Variants in KHDRBS2 observed in about 807,000 individuals in gnomAD.
KHDRBS2 encodes KH domain-containing, RNA-binding, signal transduction-associated protein 2.
KHDRBS2 carries 26 observed loss-of-function variants against 44.3 expected under a neutral mutation model. The observed-to-expected ratio is 0.59, with a 90% CI of 0.43 to 0.81. The LOEUF (loss-of-function observed/expected upper bound fraction) is 0.81, where lower values mean the gene tolerates loss of function less well. Among genes scored for constraint, KHDRBS2 ranks in the 40% least tolerant of loss-of-function variants. The pLI is 0.00. For missense variants in KHDRBS2, 476 were observed against 433.1 expected, an observed-to-expected ratio of 1.10 and a Z score of -0.88; for synonymous variants, 194 against 151.1, an observed-to-expected ratio of 1.28 and a Z score of -2.08.
chr6:62,271,124 T>C (rs1296043291), intron 1 of KHDRBS2, among the ~76,000 whole-genome samples: 5 of 152,148 alleles, frequency 3.3e-5, no homozygotes, highest in Non-Finnish European at 7.3e-5. Flanking sequence ...ATATATATAG[T>C]ATACATACAT....
rs1387589740 is a variant in KHDRBS2 at position 62,213,168 on chromosome 6, C to T, written c.92-35856G>A. ...GTTCATAATAGCTATCAATATAATG[C>T]TGGGGCATTGATAATGTGATTATAA... On this transcript the variant is annotated intron_variant, in intron 1 of 8. Coordinates refer to ENST00000281156, the MANE Select transcript of KHDRBS2 (RefSeq NM_152688.4). 2.0e-5 allele frequency among the ~76,000 whole-genome samples: 3 copies of T among 151,990 alleles called. No homozygotes were observed. In the East Asian group the frequency reaches 5.8e-4, roughly 29 times the overall value.
At position 61,945,109 on chromosome 6, in the gene KHDRBS2, AAAAGT is replaced by A. The variant is rs1231265559; in HGVS notation, c.483+32952_483+32956del. 1.9e-4 allele frequency among the ~76,000 whole-genome samples: 7 copies of A among 36,584 alleles called. 1 individual carries two copies. Among genetic ancestry groups the A allele is most frequent in the African/African-American group, 5.0e-4 (5 of 9,936 alleles). The allele number at this position is 36,584 out of a possible 152,430, so 24.0% of individuals were successfully genotyped here. A position where few individuals can be genotyped will look rare whatever the true frequency, so the allele number is the denominator to read the frequency against. On this transcript the variant is annotated intron_variant, in intron 4 of 8. Transcript: ENST00000281156. ...CTGTCTTAAAAAAAAAAAAAAAAAA[AAAAGT>A]ATATATATATATATATATATATATA...
At chr6:61,869,964 G>GGTTTTTTTTTT (rs1798386615) in intron 6 of KHDRBS2, among the ~76,000 whole-genome samples, 2 of 108,980 alleles carry the variant, frequency 1.8e-5, no homozygotes, top group African/African-American at 7.6e-5. Flanking sequence ...CTGCAGGAGT[G>GGTTTTTTTTTT]TTTTTTTTTT....
At chr6:62,017,017 T>A (rs914919095) in intron 3 of KHDRBS2, among the ~76,000 whole-genome samples, 5 of 152,140 alleles carry the variant, frequency 3.3e-5, no homozygotes, top group African/African-American at 1.2e-4. Flanking sequence ...ATCAATCTGT[T>A]TTTCTTTTTT....
the KHDRBS2 span, among the ~76,000 whole-genome samples, chr6:61,595,946 C>T: frequency 6.6e-6 from 1 of 151,954 alleles, no homozygotes; most frequent in Non-Finnish European, 1.5e-5. Flanking sequence ...TTTTTCTAGT[C>T]ATCTTGGGTT....
chr6:61,854,223 CTTTGT>C (rs1261744761), intron 6 of KHDRBS2, among the ~76,000 whole-genome samples: 4 of 151,932 alleles, frequency 2.6e-5, no homozygotes, highest in Non-Finnish European at 4.4e-5. Context: ...TTTTCTGTCT[CTTTGT>C]TTTAACATCT....
At chr6:62,086,955 A>T (rs1798504983) in intron 2 of KHDRBS2, among the ~76,000 whole-genome samples, 1 of 151,908 alleles carries the variant, frequency 6.6e-6, no homozygotes, top group Non-Finnish European at 1.5e-5. Context: ...AAAAAAAAAA[A>T]GGAAAAGATA....
intron 2 of KHDRBS2, among the ~76,000 whole-genome samples, chr6:62,150,595 T>C (rs1251450323): frequency 6.6e-6 from 1 of 152,200 alleles, no homozygotes; most frequent in East Asian, 1.9e-4. Flanking sequence ...CTAAATGGTG[T>C]TCCACTAAAG....
intron 6 of KHDRBS2, among the ~76,000 whole-genome samples, chr6:61,865,493 T>C (rs1470513295): frequency 1.3e-5 from 2 of 152,038 alleles, no homozygotes; most frequent in African/African-American, 4.8e-5. Context: ...ACTTATTCAC[T>C]GTCACAAAAA....
chr6:61,847,102 G>C (rs1794528484), intron 6 of KHDRBS2, among the ~76,000 whole-genome samples: 1 of 151,696 alleles, frequency 6.6e-6, no homozygotes, highest in South Asian at 2.1e-4. Flanking sequence ...TGAAGAAGTG[G>C]TTCTAACTTT....
chr6:61,938,845 G>A (rs1414577123), intron 4 of KHDRBS2, among the ~76,000 whole-genome samples: 1 of 152,026 alleles, frequency 6.6e-6, no homozygotes, highest in Non-Finnish European at 1.5e-5. Context: ...TGGTTCTATA[G>A]TTTCTGGCTG....
chr6:61,871,892 G>C (rs1479044284), intron 6 of KHDRBS2, among the ~76,000 whole-genome samples: 1 of 146,160 alleles, frequency 6.8e-6, no homozygotes. Context: ...GAACTGAATC[G>C]TGAGTACACA....
chr6:62,275,795 T>C lies in KHDRBS2; in HGVS notation c.91+10063A>G, dbSNP rs547410851. Among the ~76,000 whole-genome samples the C allele has an allele frequency of 9.8e-5, 15 of 152,322 alleles. No individual in the cohort carries two copies. In the South Asian group the frequency reaches 3.1e-3, roughly 32 times the overall value. ...TTCACACTTTTATTGGACATTTGCC[T>C]AACCTCTGATTTATTGCTTTTTAAA... On this transcript the variant is annotated intron_variant, in intron 1 of 8. Transcript: ENST00000281156.
intron 2 of KHDRBS2, among the ~76,000 whole-genome samples, chr6:62,106,236 G>GA (rs1000918209): frequency 2.6e-4 from 40 of 151,974 alleles, no homozygotes; most frequent in African/African-American, 8.0e-4. Flanking sequence ...GTGTGATGCT[G>GA]AAAAAAAATG....
At chr6:61,908,996 A>G (rs1456866039) in intron 4 of KHDRBS2, among the ~76,000 whole-genome samples, 1 of 152,196 alleles carries the variant, frequency 6.6e-6, no homozygotes, top group Non-Finnish European at 1.5e-5. Context: ...GATTTCAGAC[A>G]GAAAAGACTA....
chr6:61,801,514 G>A (rs1407316), intron 6 of KHDRBS2, among the ~76,000 whole-genome samples: 57,327 of 151,926 alleles, frequency 0.38, 11,981 homozygotes, highest in African/African-American at 0.57. Context: ...TAATTTATAG[G>A]AATTATATTT....
intron 4 of KHDRBS2, among the ~76,000 whole-genome samples, chr6:61,902,855 A>G (rs1427592403): frequency 6.6e-6 from 1 of 152,176 alleles, no homozygotes; most frequent in Admixed American, 6.5e-5. Context: ...ATGGCAGGGA[A>G]GCATTCAGCC....
In KHDRBS2 at chr6:62,056,465, G is replaced by A. The variant is rs559609659; in HGVS notation, c.220-8471C>T. 6.6e-5 allele frequency among the ~76,000 whole-genome samples: 10 copies of A among 152,056 alleles called. No homozygotes were observed. In the South Asian group the frequency reaches 1.0e-3, roughly 16 times the overall value. ...TGGTAATCTCTGGGAATGGGGAATA[G>A]GGGACATGATCAAAGAAAGACATAA... is the stretch of plus-strand genomic sequence containing the variant. On this transcript the variant is annotated intron_variant, in intron 2 of 8. Coordinates refer to ENST00000281156, the MANE Select transcript of KHDRBS2 (RefSeq NM_152688.4).
intron 1 of KHDRBS2, among the ~76,000 whole-genome samples, chr6:62,199,491 C>T (rs1231990449): frequency 6.6e-6 from 1 of 152,058 alleles, no homozygotes; most frequent in African/African-American, 2.4e-5. Flanking sequence ...ACAATTACTT[C>T]AAAGAGAATA....
Sources: allele counts gnomAD v4.1 joint callset (sites outside exome capture counted in the v4.1 genomes callset), GRCh38; gene constraint gnomAD v4.1.1; transcripts MANE v1.5; gene names NCBI Gene and HGNC (gene_info 2026-07-23, HGNC 2026-07-21).